Variants in TRIM69 observed in about 807,000 individuals in gnomAD.
TRIM69 encodes the protein tripartite motif containing 69.
Under a neutral mutation model 37.7 loss-of-function variants are expected in TRIM69, and 29 were observed. That is an observed-to-expected ratio of 0.77 (90% CI 0.57 to 1.05). TRIM69 has a LOEUF of 1.05. Ranked by LOEUF, TRIM69 falls within the 50% of genes least tolerant of loss-of-function variation. TRIM69 has a pLI of 0.00. For missense variants in TRIM69, 596 were observed against 579.9 expected (o/e 1.03, Z -0.28); for synonymous variants, 209 against 212.4 (o/e 0.98, Z 0.14).
intron 1 of TRIM69, 107 bp from the exon 2 acceptor site, chr15:44,754,793 C>T: frequency 1.2e-6 from 1 of 807,326 alleles, no homozygotes; most frequent in Non-Finnish European, 2.0e-6. Flanking sequence ...TGTGCTTTTA[C>T]TTTAGTTGTA....
At chr15:44,744,932 G>A (rs2087371479) in intron 1 of TRIM69, among the ~76,000 whole-genome samples, 1 of 151,880 alleles carries the variant, frequency 6.6e-6, no homozygotes. Context: ...TAATAGTTGG[G>A]GCAAACAATA....
chr15:44,752,858 C>T (rs1190425044), intron 1 of TRIM69: 2 of 152,114 alleles, frequency 1.3e-5, no homozygotes, highest in East Asian at 3.8e-4. Context: ...TTAATGCCAA[C>T]TTAGTTTTAA....
At chr15:44,750,715 C>CTTTTTTTTTTTTTTTTTTTTTTTTT (rs869059418) in intron 1 of TRIM69, among the ~76,000 whole-genome samples, 1 of 102,838 alleles carries the variant, frequency 9.7e-6, no homozygotes, top group African/African-American at 3.9e-5. Context: ...ATTACTTTTT[C>CTTTTTTTTTTTTTTTTTTTTTTTTT]TTTTTTTTTT....
At chr15:44,756,548 C>A in intron 3 of TRIM69, 85 bp downstream of exon 3, 2 of 881,246 alleles carry the variant, frequency 2.3e-6, no homozygotes, top group South Asian at 1.5e-5. Flanking sequence ...AGGTGCCTAA[C>A]ATATATTATC....
At chr15:44,739,981 CA>C (rs200405707) in intron 1 of TRIM69, among the ~76,000 whole-genome samples, 96 of 151,958 alleles carry the variant, frequency 6.3e-4, no homozygotes, top group African/African-American at 2.3e-3. Flanking sequence ...GAGGCACCCC[CA>C]AGTAGGGGCA....
chr15:44,760,762 C>T (rs2087757499), intron 6 of TRIM69, among the ~76,000 whole-genome samples: 1 of 152,164 alleles, frequency 6.6e-6, no homozygotes, highest in African/African-American at 2.4e-5. Context: ...AAAGTTCCTA[C>T]ATGCCCCTTT....
intron 1 of TRIM69, among the ~76,000 whole-genome samples, chr15:44,744,440 A>G (rs2087359931): frequency 1.3e-5 from 2 of 151,930 alleles, no homozygotes; most frequent in Admixed American, 6.6e-5. Context: ...CATGTACCCT[A>G]AAACTTAAAG....
intron 1 of TRIM69, among the ~76,000 whole-genome samples, chr15:44,745,554 TC>T (rs1043065072): frequency 7.2e-4 from 109 of 152,260 alleles, no homozygotes; most frequent in African/African-American, 2.5e-3. Context: ...TAGAAACTAT[TC>T]CTGAGGAAGC....
chr15:44,746,449 G>C (rs1361686362), intron 1 of TRIM69, among the ~76,000 whole-genome samples: 1 of 151,990 alleles, frequency 6.6e-6, no homozygotes, highest in Non-Finnish European at 1.5e-5. Context: ...ACCTATTTTT[G>C]GTTTGTAACT....
At chr15:44,767,053 CAAAAAAAAAA>C (rs55736812) in intron 6 of TRIM69, among the ~76,000 whole-genome samples, 168 bp from the exon 7 acceptor site, 20 of 24,318 alleles carry the variant, frequency 8.2e-4, no homozygotes, top group East Asian at 5.7e-3. Context: ...TTGTCTGCCT[CAAAAAAAAAA>C]AAAAAAAAAA....
At chr15:44,736,790 A>G in intron 1 of TRIM69, 80 bp downstream of exon 1, 1 of 1,532,404 alleles carries the variant, frequency 6.5e-7, no homozygotes, top group South Asian at 1.2e-5. Flanking sequence ...GAGGATATGG[A>G]TTTAGGAGCA....
chr15:44,767,529 C>T lies in TRIM69; in HGVS notation c.1260C>T (p.Asn420=), dbSNP rs569508537. The T allele has an allele frequency of 3.1e-6, 5 of 1,614,190 alleles. No individual in the cohort carries two copies. In the South Asian group the frequency reaches 5.5e-5, roughly 18 times the overall value. ...GATTCTGGCTTTTAAGACTAAGGAA[C>T]CAAACTGATCTAAAGGCTCTGGATT... ...EQGFWLLRLR[N]QTDLKALDLP... Residue 420 remains asparagine, a synonymous_variant, in exon 7 of 7, where the codon AAC becomes AAT. Transcript: ENST00000329464.
Position 44,754,994 on chromosome 15 carries a change from A to G in TRIM69, c.101A>G (p.Asp34Gly). ...THLPSKVVIQ[D>G]ITMELHCPLC... ...CTACCCTCTAAAGTGGTGATACAAG[A>G]TATTACTATGGAGCTACACTGCCCT... The change falls in exon 2 of 7, where the codon GAT becomes GGT. Residue 34 changes from aspartate (D) to glycine (G), a missense_variant. By Grantham distance (94) the Asp-to-Gly change is moderately conservative. Transcript: ENST00000329464. 1 of 1,614,176 alleles carries G rather than the reference A, an allele frequency of 6.2e-7. No individual in the cohort carries two copies. The highest frequency in any genetic ancestry group is 1.3e-5 in the African/African-American group (1 of 75,050).
At chr15:44,750,924 T>G (rs1420164354) in intron 1 of TRIM69, among the ~76,000 whole-genome samples, 2 of 147,070 alleles carry the variant, frequency 1.4e-5, no homozygotes, top group African/African-American at 2.5e-5. Context: ...GTTTTTCTAT[T>G]TTCTATTTTG....
chr15:44,764,469 TA>T (rs1566901228), intron 6 of TRIM69, among the ~76,000 whole-genome samples: 1 of 152,222 alleles, frequency 6.6e-6, no homozygotes, highest in Non-Finnish European at 1.5e-5. Context: ...CTGCCAGCCT[TA>T]TAAATTAGGC....
chr15:44,765,583 T>C (rs1037776862), intron 6 of TRIM69, among the ~76,000 whole-genome samples: 1 of 152,040 alleles, frequency 6.6e-6, no homozygotes. Flanking sequence ...AAATCCTGTC[T>C]CTACTAAAAT....
chr15:44,744,160 C>A (rs576453520), intron 1 of TRIM69, among the ~76,000 whole-genome samples: 2 of 151,072 alleles, frequency 1.3e-5, no homozygotes, highest in Admixed American at 1.3e-4. Context: ...TTTTTAGGGA[C>A]ATGGATGAAA....
At chr15:44,752,120 A>G (rs2141323905) in intron 1 of TRIM69, among the ~76,000 whole-genome samples, 1 of 152,172 alleles carries the variant, frequency 6.6e-6, no homozygotes, top group South Asian at 2.1e-4. Flanking sequence ...TCTTTGACCA[A>G]TTAGTTAAGA....
chr15:44,745,801 G>T (rs936593505), intron 1 of TRIM69, among the ~76,000 whole-genome samples: 3 of 152,096 alleles, frequency 2.0e-5, no homozygotes, highest in African/African-American at 7.2e-5. Context: ...ATTTGAGCAG[G>T]CAAAAGAAAG....
Sources: gnomAD v4.1 joint callset for allele counts (sites outside exome capture counted in the v4.1 genomes callset) on GRCh38, gnomAD v4.1.1 for gene constraint, MANE v1.5 for transcripts, NCBI Gene and HGNC (gene_info 2026-07-23, HGNC 2026-07-21) for gene names.